The following C13orf42 variants were observed in gnomAD, a reference collection of about 807,000 sequenced individuals.
C13orf42 encodes chromosome 13 open reading frame 42.
At chr13:51,120,273 G>A (rs1953523588) in intron 1 of C13orf42, among the ~76,000 whole-genome samples, 1 of 152,114 alleles carries the variant, frequency 6.6e-6, no homozygotes, top group African/African-American at 2.4e-5. Context: ...CCACAGAGAT[G>A]GGGACATTTA....
intron 1 of C13orf42, among the ~76,000 whole-genome samples, chr13:51,108,036 G>A (rs759525300): frequency 3.3e-5 from 5 of 152,188 alleles, no homozygotes; most frequent in Non-Finnish European, 7.3e-5. Context: ...CCCTCTGAAG[G>A]TGCTGGTGAA....
intron 1 of C13orf42, among the ~76,000 whole-genome samples, chr13:51,164,773 G>A (rs548994426): frequency 1.4e-4 from 21 of 152,298 alleles, no homozygotes; most frequent in African/African-American, 4.6e-4. Flanking sequence ...TTCATGCTAC[G>A]GGACATGAGG....
At position 51,125,300 on chromosome 13, in the gene C13orf42, A is replaced by G. The variant is rs115035192; in HGVS notation, n.137-12078T>C. The stretch of plus-strand genomic sequence containing the variant: ...CTTCCCACTAAATTCTCAGCTCCCT[A>G]GTTTGCCCCTTTCAGCAAAGCATGT... On this transcript the variant is annotated intron_variant and non_coding_transcript_variant, in intron 1 of 4. Coordinates refer to the C13orf42 transcript ENST00000433280. Among the ~76,000 whole-genome samples the G allele has an allele frequency of 3.4e-3, 523 of 152,292 alleles. 2 individuals are homozygous for G. The highest frequency in any genetic ancestry group is 0.012 in the African/African-American group (503 of 41,562).
intron 1 of C13orf42, among the ~76,000 whole-genome samples, chr13:51,148,228 A>G (rs1178949153): frequency 5.3e-5 from 8 of 152,234 alleles, no homozygotes; most frequent in Non-Finnish European, 7.3e-5. Flanking sequence ...CCTTGCCAGC[A>G]GCCTGCCTCC....
At chr13:51,126,397 A>T (rs943530863) in intron 1 of C13orf42, among the ~76,000 whole-genome samples, 1 of 152,186 alleles carries the variant, frequency 6.6e-6, no homozygotes, top group Admixed American at 6.5e-5. Context: ...AATTAGTTAC[A>T]TTCAGGCAAA....
intron 1 of C13orf42, among the ~76,000 whole-genome samples, chr13:51,123,613 C>T (rs1275501244): frequency 6.6e-6 from 1 of 152,202 alleles, no homozygotes; most frequent in Admixed American, 6.5e-5. Flanking sequence ...CCTTTTAGTT[C>T]AATGTCAGCT....
chr13:51,119,953 G>A, intron 1 of C13orf42, among the ~76,000 whole-genome samples: 1 of 149,140 alleles, frequency 6.7e-6, no homozygotes, highest in East Asian at 2.0e-4. Context: ...GACTCAAAGA[G>A]ATCGGAGAAT....
upstream of C13orf42, chr13:51,111,328 T>A (rs927454026): frequency 2.5e-6 from 1 of 397,180 alleles, no homozygotes; most frequent in African/African-American, 2.1e-5. Flanking sequence ...AGGAGGCCTC[T>A]GATCTCTAGG....
At chr13:51,093,337 G>C (rs1279897240) in intron 1 of C13orf42, among the ~76,000 whole-genome samples, 2 of 152,132 alleles carry the variant, frequency 1.3e-5, no homozygotes, top group African/African-American at 4.8e-5. Context: ...CTCAGATCTG[G>C]AGCAGGGCTG....
At position 51,168,233 on chromosome 13, in the gene C13orf42, A is replaced by G. The variant is rs182460893; in HGVS notation, n.136+4020T>C. Among the ~76,000 whole-genome samples the G allele has an allele frequency of 2.0e-4, 31 of 152,328 alleles. No individual in the cohort carries two copies. The East Asian group carries it at 5.0e-3, about 25-fold the overall frequency. ...CCAAAGGAAAGCCCAGTTTGCAAGA[A>G]GCAAAGCCAAGATTTAAACCTAGTT... On this transcript the variant is annotated intron_variant and non_coding_transcript_variant, in intron 1 of 4. Coordinates refer to the C13orf42 transcript ENST00000433280.
chr13:51,126,394 T>A (rs1953577605), intron 1 of C13orf42, among the ~76,000 whole-genome samples: 1 of 152,196 alleles, frequency 6.6e-6, no homozygotes, highest in Non-Finnish European at 1.5e-5. Context: ...TAAAATTAGT[T>A]ACATTCAGGC....
At chr13:51,111,439 G>C (rs1451629538), upstream of C13orf42, among the ~76,000 whole-genome samples, 2 of 152,222 alleles carry the variant, frequency 1.3e-5, no homozygotes, top group Non-Finnish European at 2.9e-5. Flanking sequence ...CCCGAAGATA[G>C]AAGGTGGCGC....
intron 1 of C13orf42, among the ~76,000 whole-genome samples, chr13:51,147,189 C>A (rs566979260): frequency 6.6e-6 from 1 of 151,870 alleles, no homozygotes; most frequent in South Asian, 2.1e-4. Flanking sequence ...ATCTGCATAG[C>A]ATCTACACAT....
chr13:51,154,860 G>C (rs1386446491), intron 1 of C13orf42, among the ~76,000 whole-genome samples: 1 of 152,192 alleles, frequency 6.6e-6, no homozygotes, highest in Non-Finnish European at 1.5e-5. Flanking sequence ...GTTCTATAAA[G>C]GGGAAATGTT....
chr13:51,118,786 G>A (rs976602118), intron 1 of C13orf42, among the ~76,000 whole-genome samples: 7 of 152,126 alleles, frequency 4.6e-5, no homozygotes, highest in African/African-American at 1.7e-4. Flanking sequence ...TGTAGCCTAG[G>A]GTGCTAGTGA....
intron 1 of C13orf42, among the ~76,000 whole-genome samples, chr13:51,161,066 T>C (rs1953860774): frequency 7.8e-6 from 1 of 127,634 alleles, no homozygotes; most frequent in African/African-American, 2.6e-5. Flanking sequence ...CACACTGCTG[T>C]GGAATCTTCA....
chr13:51,108,856 T>C (rs1593536798), intron 1 of C13orf42, among the ~76,000 whole-genome samples: 1 of 152,222 alleles, frequency 6.6e-6, no homozygotes, highest in Admixed American at 6.5e-5. Context: ...CCCTACGTTA[T>C]ATCAGGCCCA....
At chr13:51,106,111 TAC>T (rs1182315096) in intron 1 of C13orf42, among the ~76,000 whole-genome samples, 1 of 152,234 alleles carries the variant, frequency 6.6e-6, no homozygotes, top group African/African-American at 2.4e-5. Flanking sequence ...ATTTCAATGC[TAC>T]AGAGACCTAG....
chr13:51,124,898 C>CA (rs1208818244), intron 1 of C13orf42, among the ~76,000 whole-genome samples: 14 of 152,316 alleles, frequency 9.2e-5, no homozygotes, highest in African/African-American at 2.9e-4. Context: ...CCATAACACA[C>CA]AGAGTGGCTT....
Sources: gnomAD v4.1 joint callset for allele counts (sites outside exome capture counted in the v4.1 genomes callset) on GRCh38, gnomAD v4.1.1 for gene constraint, MANE v1.5 for transcripts, NCBI Gene and HGNC (gene_info 2026-07-23, HGNC 2026-07-21) for gene names.